Variants in DFFB observed in about 807,000 individuals in gnomAD.
DFFB encodes the protein DNA fragmentation factor subunit beta.
DFFB carries 29 observed loss-of-function variants against 32.7 expected under a neutral mutation model. The ratio of observed to expected loss-of-function variants is 0.89; its 90% CI spans 0.66 to 1.21. The LOEUF is 1.21. Ranked by LOEUF, DFFB falls within the 50% of genes most tolerant of loss-of-function variation. DFFB has a pLI of 0.00. For synonymous variants in DFFB, 170 were observed against 177.1 expected, an observed-to-expected ratio of 0.96 and a Z score of 0.32; for missense variants, 398 against 440.6, an observed-to-expected ratio of 0.90 and a Z score of 0.87.
intron 5 of DFFB, among the ~76,000 whole-genome samples, chr1:3,871,218 T>C (rs1188938227): frequency 6.6e-6 from 1 of 152,220 alleles, no homozygotes; most frequent in Non-Finnish European, 1.5e-5. Flanking sequence ...CTTGTCCTCT[T>C]TGGGAACTCA....
rs1399649636 is a variant in DFFB, at chr1:3,858,901, G to T, written c.241+57G>T. ...AAGCTGGCACTCTCCGAGGTCCTGGGGGCTTAGCTCCAGGTGCCCATCAGG... is the reference window on the plus strand; with the variant it reads ...AAGCTGGCACTCTCCGAGGTCCTGGTGGCTTAGCTCCAGGTGCCCATCAGG... On this transcript the variant is annotated intron_variant, in intron 2 of 6. Transcript: ENST00000378209. The T allele has an allele frequency of 3.8e-6, 6 of 1,596,046 alleles. No individual in the cohort carries two copies. In the South Asian group the frequency reaches 5.5e-5, roughly 15 times the overall value.
intron 2 of DFFB, among the ~76,000 whole-genome samples, chr1:3,864,361 T>C (rs1263114985): frequency 1.3e-5 from 2 of 152,216 alleles, no homozygotes; most frequent in African/African-American, 2.4e-5. Context: ...CCAAGTTGTG[T>C]GCTAGAGTGG....
chr1:3,859,863 C>A (rs979972266), intron 2 of DFFB, among the ~76,000 whole-genome samples: 1 of 152,188 alleles, frequency 6.6e-6, no homozygotes, highest in Non-Finnish European at 1.5e-5. Flanking sequence ...TGTTATCTTT[C>A]TTTCCCATTT....
At chr1:3,867,737 T>C (rs1645012697) in intron 3 of DFFB, 1 of 508,544 alleles carries the variant, frequency 2.0e-6, no homozygotes, top group East Asian at 3.5e-5. Context: ...CCTGTAGTCT[T>C]AGCCACTTGG....
Position 3,872,571 on chromosome 1 carries a change from A to G in DFFB, c.781A>G (p.Ile261Val), listed in dbSNP as rs1265826486. 6.2e-7 allele frequency: 1 copy of G among 1,611,902 alleles called. No individual in the cohort carries two copies. ...ILFSTWNLDH[I>V]IEKKRTIIPT... The stretch of plus-strand genomic sequence containing the variant: ...CTTCAGCACCTGGAACCTGGATCAC[A>G]TGTAAGCTCACAGAGCGAGGTTCAG... Residue 261 changes from isoleucine (I) to valine (V), a missense_variant and splice_region_variant, in exon 6 of 7, where the codon ATA becomes GTA. By Grantham distance (29) the Ile-to-Val change is conservative (BLOSUM62 3). Transcript: ENST00000378209.
At chr1:3,874,538 G>A (rs1414531298) in intron 6 of DFFB, among the ~76,000 whole-genome samples, 3 of 46,338 alleles carry the variant, frequency 6.5e-5, no homozygotes, top group East Asian at 8.1e-4. Flanking sequence ...TACCACACGC[G>A]TGTGGGTTTA....
At chr1:3,871,339 T>C (rs555040260) in intron 5 of DFFB, among the ~76,000 whole-genome samples, 14 of 152,364 alleles carry the variant, frequency 9.2e-5, no homozygotes, top group Admixed American at 6.5e-4. Context: ...CAAGCTGGAA[T>C]GCAGTGGTGC....
intron 6 of DFFB, among the ~76,000 whole-genome samples, chr1:3,877,138 C>T (rs913489955): frequency 6.6e-6 from 1 of 152,196 alleles, no homozygotes; most frequent in Non-Finnish European, 1.5e-5. Flanking sequence ...TCTGTCTCAT[C>T]ACAGCTGTCT....
intron 6 of DFFB, among the ~76,000 whole-genome samples, chr1:3,876,485 A>G (rs1015634341): frequency 5.9e-5 from 9 of 152,200 alleles, no homozygotes; most frequent in African/African-American, 1.9e-4. Flanking sequence ...TTAAAAATGT[A>G]GTTTTCAGCA....
rs151051391 is a variant in DFFB at position 3,872,327 on chromosome 1, C to A, written c.682-145C>A. ...ACTCGGGAGGCTGAGGCAGGAGAAT[C>A]GCTTCAACACGGGAGGCGGAGGTTG... On this transcript the variant is annotated intron_variant, in intron 5 of 6. Coordinates refer to ENST00000378209, the MANE Select transcript of DFFB (RefSeq NM_004402.4). 8 of 600,798 alleles carry A rather than the reference C, an allele frequency of 1.3e-5. No individual in the cohort carries two copies. In the Admixed American group the frequency reaches 2.0e-4, roughly 15 times the overall value. The allele number at this position is 600,798 out of a possible 1,614,324, so 37.2% of individuals were successfully genotyped here. A position where few individuals can be genotyped will look rare whatever the true frequency, so the allele number is the denominator to read the frequency against.
rs1638336631 is a variant in DFFB, at chr1:3,885,084, T to C, written c.*1343T>C. The C allele has an allele frequency of 6.6e-6, 1 of 152,230 alleles. No individual in the cohort carries two copies. Among genetic ancestry groups the C allele is most frequent in the Admixed American group, 6.5e-5 (1 of 15,276 alleles). The allele number at this position is 152,230 out of a possible 1,614,324, so 9.4% of individuals were successfully genotyped here. ...GCGTTTCTGTGTAGAAACTGGAAGC[T>C]GTTCAGGGCATCGGCAGCTGAACCC... On this transcript the variant is annotated 3_prime_UTR_variant, in exon 7 of 7. Coordinates refer to ENST00000378209, the MANE Select transcript of DFFB (RefSeq NM_004402.4).
At position 3,883,684 on chromosome 1, in the gene DFFB, A is replaced by G; in HGVS notation, c.960A>G (p.Arg320=). The G allele has an allele frequency of 1.2e-6, 2 of 1,614,154 alleles. No individual in the cohort carries two copies. The highest frequency in any genetic ancestry group is 1.7e-6 in the Non-Finnish European group (2 of 1,180,026). The change falls in exon 7 of 7, where the codon AGA becomes AGG. Residue 320 remains arginine (R), a synonymous_variant. Transcript: ENST00000378209. The part of the protein sequence containing the change: ...TTHKLNCDPS[R]IYKPQTRLKR... ...ACAAGCTCAACTGTGACCCAAGCAG[A>G]ATCTACAAACCCCAGACAAGGTTGA...
chr1:3,872,629 C>CGCGGCCCA, intron 6 of DFFB, 57 bp downstream of exon 6: 2 of 1,483,648 alleles, frequency 1.3e-6, no homozygotes, highest in Non-Finnish European at 1.9e-6. Context: ...CTGTCCCTGC[C>CGCGGCCCA]GTGGCCCTGT....
chr1:3,869,554 G>T (rs1324197458), intron 4 of DFFB, 51 bp from the exon 5 acceptor site: 1 of 1,563,748 alleles, frequency 6.4e-7, no homozygotes, highest in Non-Finnish European at 8.7e-7. Context: ...AGCCAGTGCG[G>T]GTTTTGGGGC....
chr1:3,865,997 G>T lies in DFFB; in HGVS notation c.427G>T (p.Glu143Ter). The change falls in exon 3 of 7, where the codon GAA (glutamate) becomes TAA (stop). Residue 143 changes from glutamate (E) to a stop codon, truncating the protein, a stop_gained. Transcript: ENST00000378209. LOFTEE classifies it high-confidence loss of function. The surrounding 1 kb of genome is among the most constrained non-coding windows in gnomAD (Gnocchi z 4.7). ...CCGGGCTGAGGACCCGCCGTGGTTT[G>T]AAGGTGCGTGGGGGCTGCAGCTGGC... Reference protein sequence around the residue: ...ETRAEDPPWFEGLESRFQSKS... With the variant: ...ETRAEDPPWF The T allele has an allele frequency of 6.4e-7, 1 of 1,562,354 alleles. No homozygotes were observed. Among genetic ancestry groups the T allele is most frequent in the South Asian group, 1.2e-5 (1 of 82,746 alleles).
intron 6 of DFFB, among the ~76,000 whole-genome samples, chr1:3,879,622 G>A (rs76362567): frequency 0.012 from 1,791 of 152,280 alleles, 16 homozygotes; most frequent in Admixed American, 0.017. Context: ...AGCACCCGGC[G>A]TGCGGGCACC....
At chr1:3,873,636 C>T (rs191591634) in intron 6 of DFFB, among the ~76,000 whole-genome samples, 11 of 152,216 alleles carry the variant, frequency 7.2e-5, no homozygotes, top group Middle Eastern at 3.4e-3. Flanking sequence ...CGTGGCACCA[C>T]GTCCAGCTAA....
Position 3,883,704 on chromosome 1 carries a change from G to A in DFFB, c.980G>A (p.Arg327Lys), listed in dbSNP as rs755075937. The A allele has an allele frequency of 1.7e-5, 27 of 1,614,022 alleles. No homozygotes were observed. The highest frequency in any genetic ancestry group is 5.0e-5 in the Admixed American group (3 of 60,008). The stretch of plus-strand genomic sequence containing the variant: ...AGCAGAATCTACAAACCCCAGACAA[G>A]GTTGAAGCGGAAGCAGCCTGTGCGG... ...DPSRIYKPQTRLKRKQPVRKR... is the reference protein window; with the variant it reads ...DPSRIYKPQTKLKRKQPVRKR... The change falls in exon 7 of 7, where the codon AGG becomes AAG. Residue 327 changes from arginine to lysine, a missense_variant. Physicochemically the swap from Arg to Lys is conservative, Grantham distance 26. Coordinates refer to ENST00000378209, the MANE Select transcript of DFFB (RefSeq NM_004402.4).
chr1:3,869,831 C>A, intron 5 of DFFB, 56 bp downstream of exon 5: 2 of 1,514,254 alleles, frequency 1.3e-6, no homozygotes, highest in Non-Finnish European at 1.8e-6. Context: ...GAACACAGCC[C>A]GCCTGGGGCG....
Sources: gnomAD v4.1 joint callset for allele counts (sites outside exome capture counted in the v4.1 genomes callset) on GRCh38, gnomAD v4.1.1 for gene constraint, Gnocchi (gnomAD v3.1) non-coding constraint, MANE v1.5 for transcripts, NCBI Gene and HGNC (gene_info 2026-07-23, HGNC 2026-07-21) for gene names.